UBASH3B: variants seen among roughly 807,000 people sequenced by gnomAD.
UBASH3B encodes ubiquitin associated and SH3 domain containing B.
A neutral mutation model predicts 83.4 loss-of-function variants in UBASH3B; 37 were observed. The observed-to-expected ratio is 0.44, with a 90% CI of 0.34 to 0.58. The LOEUF (loss-of-function observed/expected upper bound fraction) is 0.58, where lower values mean the gene tolerates loss of function less well. Among genes scored for constraint, UBASH3B ranks in the 20% least tolerant of loss-of-function variants. The pLI is 0.01. For missense variants in UBASH3B, 657 were observed against 827.2 expected (o/e 0.79, Z 2.52); for synonymous variants, 304 against 318.3 (o/e 0.96, Z 0.48).
intron 1 of UBASH3B, among the ~76,000 whole-genome samples, chr11:122,737,236 A>G (rs1043820792): frequency 6.6e-6 from 1 of 152,218 alleles, no homozygotes; most frequent in Non-Finnish European, 1.5e-5. Flanking sequence ...GTGTATGATT[A>G]TCATTGTATA....
At chr11:122,721,374 G>A (rs542312360) in intron 1 of UBASH3B, among the ~76,000 whole-genome samples, 10 of 151,418 alleles carry the variant, frequency 6.6e-5, no homozygotes, top group Admixed American at 3.3e-4. Flanking sequence ...ACAGCACTAC[G>A]GGGGGGTGGG....
rs1298672535 is a variant in UBASH3B, at chr11:122,758,998, C to CAT, written c.162-17220_162-17219dup. On this transcript the variant is annotated intron_variant, in intron 1 of 13. Transcript: ENST00000284273. The surrounding 1 kb of genome is among the most constrained non-coding windows in gnomAD (Gnocchi z 4.2). ...TCTAACTTTAGTGGCTTAAAACACACATTTTCCCAGTTTCTGTAGGTCAGG... is the reference window on the plus strand; with the variant it reads ...TCTAACTTTAGTGGCTTAAAACACACATATTTTCCCAGTTTCTGTAGGTCAGG... Among the ~76,000 whole-genome samples the CAT allele has an allele frequency of 1.3e-5, 2 of 152,210 alleles. No homozygotes were observed. Among genetic ancestry groups the CAT allele is most frequent in the African/African-American group, 4.8e-5 (2 of 41,454 alleles).
intron 1 of UBASH3B, among the ~76,000 whole-genome samples, chr11:122,665,967 C>G (rs1565521869): frequency 6.6e-6 from 1 of 152,164 alleles, no homozygotes; most frequent in Non-Finnish European, 1.5e-5. Flanking sequence ...TCTGTGGAAG[C>G]ATAAACATTC....
At chr11:122,666,621 G>A (rs893313389) in intron 1 of UBASH3B, among the ~76,000 whole-genome samples, 1 of 152,048 alleles carries the variant, frequency 6.6e-6, no homozygotes, top group Non-Finnish European at 1.5e-5. Context: ...GTTTCACCAT[G>A]TTTGCCAGGC....
intron 1 of UBASH3B, among the ~76,000 whole-genome samples, chr11:122,662,573 A>G (rs2135891195): frequency 6.6e-6 from 1 of 151,940 alleles, no homozygotes; most frequent in Admixed American, 6.5e-5. Flanking sequence ...CTGGGATTAC[A>G]GGCATGCACC....
intron 1 of UBASH3B, among the ~76,000 whole-genome samples, chr11:122,754,100 AG>A (rs5795347): frequency 0.19 from 28,336 of 152,188 alleles, 2,889 homozygotes; most frequent in Middle Eastern, 0.27. Context: ...GCTAGTGGTT[AG>A]CATTTTGGCC....
intron 1 of UBASH3B, among the ~76,000 whole-genome samples, chr11:122,735,361 C>A (rs1860915179): frequency 1.3e-5 from 2 of 152,136 alleles, no homozygotes; most frequent in Admixed American, 1.3e-4. Flanking sequence ...TCTTTCCTAA[C>A]CAGAACAGCT....
intron 1 of UBASH3B, among the ~76,000 whole-genome samples, chr11:122,705,676 G>A (rs1477266453): frequency 6.6e-6 from 1 of 152,040 alleles, no homozygotes; most frequent in Non-Finnish European, 1.5e-5. Flanking sequence ...TGGCTTCTGG[G>A]CTTCCTCACC....
chr11:122,766,956 T>G (rs1860552324), intron 1 of UBASH3B, among the ~76,000 whole-genome samples: 1 of 152,152 alleles, frequency 6.6e-6, no homozygotes, highest in South Asian at 2.1e-4. Context: ...GACTCAGCTG[T>G]GGGTGTAGAA....
intron 1 of UBASH3B, among the ~76,000 whole-genome samples, chr11:122,729,567 A>G (rs1860802698): frequency 6.6e-6 from 1 of 152,196 alleles, no homozygotes; most frequent in South Asian, 2.1e-4. Context: ...TTCTTATCAG[A>G]GATGCATGCT....
rs750703726 is a variant in UBASH3B, at chr11:122,808,108, G to A, written c.1744G>A (p.Ala582Thr). ...LIVAHASSLE[A>T]CTCQLQGLSP... ...TGTGGCCCACGCATCTTCCCTTGAA[G>A]CGTGTACCTGCCAACTTCAGGGCCT... Residue 582 changes from alanine (A) to threonine (T), a missense_variant, in exon 13 of 14, where the codon GCG becomes ACG. Around this residue, in one of 3 missense-constraint regions of UBASH3B, gnomAD observed 573 missense variants for 739.0 expected, o/e 0.78. Transcript: ENST00000284273. 6.2e-7 allele frequency: 1 copy of A among 1,614,146 alleles called. No individual in the cohort carries two copies. Among genetic ancestry groups the A allele is most frequent in the East Asian group, 2.2e-5 (1 of 44,878 alleles).
At chr11:122,775,978 C>T in intron 1 of UBASH3B, 1 of 433,304 alleles carries the variant, frequency 2.3e-6, no homozygotes, top group Non-Finnish European at 4.1e-6. Context: ...AAATAGACTG[C>T]CTGGGCTGTC....
intron 1 of UBASH3B, among the ~76,000 whole-genome samples, chr11:122,717,999 G>A (rs984109868): frequency 7.3e-5 from 11 of 151,228 alleles, no homozygotes; most frequent in East Asian, 1.9e-4. Flanking sequence ...TTGGCTCACC[G>A]TAACCTTCGC....
intron 1 of UBASH3B, among the ~76,000 whole-genome samples, chr11:122,663,978 G>A (rs989136619): frequency 3.3e-5 from 5 of 152,178 alleles, no homozygotes; most frequent in South Asian, 2.1e-4. Flanking sequence ...AAATGAGGTC[G>A]GTATTAGTGC....
rs1475972794 is a variant in UBASH3B, at chr11:122,759,509, C to A, written c.162-16710C>A. Among the ~76,000 whole-genome samples the A allele has an allele frequency of 6.6e-6, 1 of 152,188 alleles. No homozygotes were observed. Among genetic ancestry groups the A allele is most frequent in the Admixed American group, 6.5e-5 (1 of 15,282 alleles). ...TAATGAAATAGTGATACAACCAACT[C>A]ACCATAATGTAGAATGAGTGGGAGC... On this transcript the variant is annotated intron_variant, in intron 1 of 13. Transcript: ENST00000284273. The surrounding 1 kb of genome is among the most constrained non-coding windows in gnomAD (Gnocchi z 4.1).
At chr11:122,697,638 A>T (rs1191338476) in intron 1 of UBASH3B, among the ~76,000 whole-genome samples, 1 of 152,012 alleles carries the variant, frequency 6.6e-6, no homozygotes, top group Non-Finnish European at 1.5e-5. Flanking sequence ...ATCCTCCCTC[A>T]CACTTGTTTC....
At chr11:122,704,241 GTC>G (rs1864086467) in intron 1 of UBASH3B, among the ~76,000 whole-genome samples, 1 of 152,184 alleles carries the variant, frequency 6.6e-6, no homozygotes. Context: ...CTGAATCACA[GTC>G]TCTTGAGTCT....
chr11:122,725,342 A>AAAAAG (rs71281633), intron 1 of UBASH3B, among the ~76,000 whole-genome samples: 13 of 130,822 alleles, frequency 9.9e-5, no homozygotes, highest in South Asian at 4.8e-4. Flanking sequence ...AAAAAAAAAA[A>AAAAAG]AAGAAAAGAA....
At chr11:122,690,341 A>G (rs1863879269) in intron 1 of UBASH3B, among the ~76,000 whole-genome samples, 1 of 148,192 alleles carries the variant, frequency 6.7e-6, no homozygotes, top group Admixed American at 6.8e-5. Flanking sequence ...TCTATATTAT[A>G]ATACATGTAG....
Sources: allele counts gnomAD v4.1 joint callset (sites outside exome capture counted in the v4.1 genomes callset), GRCh38; gene constraint gnomAD v4.1.1; regional missense constraint gnomAD v4.1.1; non-coding constraint Gnocchi (gnomAD v3.1); transcripts MANE v1.5; gene names NCBI Gene and HGNC (gene_info 2026-07-23, HGNC 2026-07-21).